Variants in FUOM observed in about 807,000 individuals in gnomAD.
The protein encoded by FUOM is fucose mutarotase, also known as protein fucU homolog.
FUOM carries 19 observed loss-of-function variants against 18.3 expected under a neutral mutation model. The ratio of observed to expected loss-of-function variants is 1.04; its 90% CI spans 0.73 to 1.53. FUOM has a LOEUF of 1.53. FUOM is among the 40% of genes most tolerant of loss of function. The pLI is 0.00. For missense variants in FUOM, 210 were observed against 200.9 expected (o/e 1.04, Z -0.27); for synonymous variants, 102 against 87.9 (o/e 1.16, Z -0.90).
At chr10:133,354,308 CCCCAAAGTCTGCAGCCAAG>C (rs1848729187), downstream of FUOM, among the ~76,000 whole-genome samples, 4 of 152,304 alleles carry the variant, frequency 2.6e-5, no homozygotes, top group Middle Eastern at 3.4e-3. Context: ...GCGGACAGGA[CCCCAAAGTCTGCAGCCAAG>C]CCCAGACAGG....
chr10:133,355,983 T>C (rs1481148421), intron 4 of FUOM, among the ~76,000 whole-genome samples, 172 bp from the exon 5 acceptor site: 1 of 152,154 alleles, frequency 6.6e-6, no homozygotes, highest in Non-Finnish European at 1.5e-5. Flanking sequence ...TCCCAAGGCC[T>C]AGGACAGGGG....
chr10:133,354,572 T>C (rs912584104), downstream of FUOM, among the ~76,000 whole-genome samples: 2 of 152,150 alleles, frequency 1.3e-5, no homozygotes, highest in African/African-American at 4.8e-5. Flanking sequence ...CAGCAAGTTC[T>C]GGGGAGCAAG....
downstream of FUOM, among the ~76,000 whole-genome samples, chr10:133,353,828 T>C (rs975799463): frequency 6.6e-5 from 10 of 151,994 alleles, no homozygotes; most frequent in African/African-American, 2.4e-4. Flanking sequence ...TAGGAGGGCA[T>C]TGAGGGATCA....
Position 133,357,008 on chromosome 10 carries a change from C to T in FUOM, c.160G>A (p.Gly54Ser), listed in dbSNP as rs1848825810. ...GPMEIRADGLGIPQLLEAVLK... is the reference protein window; with the variant it reads ...GPMEIRADGLSIPQLLEAVLK... ...ACGGCCTCCAGGAGCTGCGGGATGC[C>T]CAGGCCTGGAGGGCAGAGGAGGCAG... Residue 54 changes from glycine (G) to serine (S), a missense_variant, in exon 3 of 6, where the codon GGC becomes AGC. Gly to Ser is a moderately conservative substitution (Grantham distance 56). Transcript: ENST00000278025. The T allele has an allele frequency of 2.6e-6, 4 of 1,550,074 alleles. No homozygotes were observed. Among genetic ancestry groups the T allele is most frequent in the East Asian group, 2.4e-5 (1 of 40,912 alleles).
At chr10:133,354,682 C>G (rs540092341), downstream of FUOM, among the ~76,000 whole-genome samples, 163 of 152,328 alleles carry the variant, frequency 1.1e-3, no homozygotes, top group African/African-American at 3.7e-3. Flanking sequence ...CTTTCAGGAA[C>G]CCCCTGCATC....
At chr10:133,356,110 C>G (rs1242184543) in intron 4 of FUOM, among the ~76,000 whole-genome samples, 1 of 152,176 alleles carries the variant, frequency 6.6e-6, no homozygotes, top group African/African-American at 2.4e-5. Flanking sequence ...GGGGAGTCCC[C>G]TGCCCAGGAC....
At chr10:133,355,543 T>C (rs1327941062) in intron 5 of FUOM, 107 bp from the exon 6 acceptor site, 7 of 1,610,030 alleles carry the variant, frequency 4.3e-6, no homozygotes, top group Admixed American at 1.7e-5. Context: ...CTTCACCCAC[T>C]TGATGCTCAG....
chr10:133,356,019 C>T (rs1848783334), intron 4 of FUOM, among the ~76,000 whole-genome samples: 1 of 152,332 alleles, frequency 6.6e-6, no homozygotes, highest in East Asian at 1.9e-4. Context: ...GGACGAGGAA[C>T]CTGCCATGCT....
At chr10:133,355,702 TG>T (rs776843985) in intron 5 of FUOM, 35 bp downstream of exon 5, 2 of 1,590,150 alleles carry the variant, frequency 1.3e-6, no homozygotes, top group African/African-American at 2.7e-5. Flanking sequence ...GAGGCCCCAG[TG>T]GGGATGGGGC....
intron 1 of FUOM, 74 bp from the exon 2 acceptor site, chr10:133,357,329 C>T (rs1848841464): frequency 7.1e-7 from 1 of 1,415,584 alleles, no homozygotes; most frequent in Non-Finnish European, 9.8e-7. Context: ...GTCCTCCCAC[C>T]CAGTCATGGC....
intron 4 of FUOM, 144 bp downstream of exon 4, chr10:133,356,496 T>G: frequency 1.9e-6 from 1 of 515,172 alleles, no homozygotes; most frequent in East Asian, 3.4e-5. Context: ...GGTGAAGGAG[T>G]GCCAGTGGTC....
chr10:133,357,208 G>T lies in FUOM; in HGVS notation c.133C>A (p.Pro45Thr). The change falls in exon 2 of 6, where the codon CCC becomes ACC. Residue 45 changes from proline (P) to threonine (T), a missense_variant. Physicochemically the swap from Pro to Thr is conservative, Grantham distance 38. Transcript: ENST00000278025. ...TCACCGTCTGCACGGATCTCCATGGGCCCACACTGGCAGATGGAGGAGGCC... is the reference window on the plus strand; with the variant it reads ...TCACCGTCTGCACGGATCTCCATGGTCCCACACTGGCAGATGGAGGAGGCC... The part of the protein sequence containing the change: ...FPASSICQCG[P>T]MEIRADGLGI... 1.3e-6 allele frequency: 2 copies of T among 1,581,720 alleles called. No homozygotes were observed. Among genetic ancestry groups the T allele is most frequent in the East Asian group, 2.3e-5 (1 of 42,572 alleles).
chr10:133,357,984 G>T lies in FUOM; in HGVS notation c.24C>A (p.Pro8=). The change falls in exon 1 of 6, where the codon CCC becomes CCA. Residue 8 remains proline (P), a synonymous_variant. Transcript: ENST00000278025. ...AGAGCAGCTCGGGGGACAGCAGTGC[G>T]GGGACACCCTTCAGCGCCACCATGG... MVALKGV[P]ALLSPELLYA... 1 of 1,516,132 alleles carries T rather than the reference G, an allele frequency of 6.6e-7. No individual in the cohort carries two copies. The allele number at this position is 1,516,132 out of a possible 1,614,324, so 93.9% of individuals were successfully genotyped here.
At chr10:133,354,667 AC>A (rs34395384), downstream of FUOM, among the ~76,000 whole-genome samples, 1 of 152,052 alleles carries the variant, frequency 6.6e-6, no homozygotes, top group Non-Finnish European at 1.5e-5. Context: ...CCTCCCAGGC[AC>A]CCCCTTTCAG....
At chr10:133,357,148 C>T (rs139366388) in intron 2 of FUOM, 39 bp downstream of exon 2, 18,191 of 1,549,380 alleles carry the variant, frequency 0.012, 177 homozygotes, top group Middle Eastern at 0.014. Flanking sequence ...GCACCGCTCA[C>T]CCGCCCGCCC....
chr10:133,353,360 G>A (rs562734212), downstream of FUOM, among the ~76,000 whole-genome samples: 1 of 152,196 alleles, frequency 6.6e-6, no homozygotes. Flanking sequence ...CTCACACACC[G>A]CATGTGTCCT....
chr10:133,357,499 G>A (rs955958953), intron 1 of FUOM: 4 of 579,294 alleles, frequency 6.9e-6, no homozygotes, highest in African/African-American at 1.9e-5. Flanking sequence ...TGCCCGCGAG[G>A]CTGTCGGGTG....
chr10:133,355,269 C>G lies in FUOM; in HGVS notation c.*101G>C, dbSNP rs1313048392. 1 of 1,382,748 alleles carries G rather than the reference C, an allele frequency of 7.2e-7. No individual in the cohort carries two copies. The highest frequency in any genetic ancestry group is 2.3e-5 in the Admixed American group (1 of 43,840). 85.7% of individuals were successfully genotyped at this position (1,382,748 alleles called of 1,614,324 possible). On this transcript the variant is annotated 3_prime_UTR_variant, in exon 6 of 6. Coordinates refer to ENST00000278025, the MANE Select transcript of FUOM (RefSeq NM_001098483.3). ...CGGCCCCTAGAGCCCTGGCCAGGGC[C>G]CAGGTCTGGGAGCTGCCACTGGGAG... is the stretch of plus-strand genomic sequence containing the variant.
At chr10:133,357,852 G>A (rs2133427274) in intron 1 of FUOM, 71 bp downstream of exon 1, 22 of 1,336,310 alleles carry the variant, frequency 1.6e-5, no homozygotes, top group Non-Finnish European at 2.0e-5. Context: ...CCGGCCCGGG[G>A]GTCCCCGTGC....
Sources: gnomAD v4.1 joint callset for allele counts (sites outside exome capture counted in the v4.1 genomes callset) on GRCh38, gnomAD v4.1.1 for gene constraint, MANE v1.5 for transcripts, NCBI Gene and HGNC (gene_info 2026-07-23, HGNC 2026-07-21) for gene names.